TMBIM4: variants seen among roughly 807,000 people sequenced by gnomAD.
TMBIM4 encodes transmembrane BAX inhibitor motif containing 4, also known as protein lifeguard 4.
A neutral mutation model predicts 27.7 loss-of-function variants in TMBIM4; 28 were observed. The observed-to-expected ratio is 1.01, with a 90% CI of 0.75 to 1.38. The LOEUF (loss-of-function observed/expected upper bound fraction) is 1.38. TMBIM4 is among the 40% of genes most tolerant of loss of function. The probability of loss-of-function intolerance (pLI) is 0.00; values close to 1 mark genes in which losing one functional copy is unlikely to be tolerated. For missense variants in TMBIM4, 265 were observed against 277.5 expected, an observed-to-expected ratio of 0.95 and a Z score of 0.32; for synonymous variants, 115 against 113.1, an observed-to-expected ratio of 1.02 and a Z score of -0.11.
chr12:66,140,176 G>A (rs981079117), intron 5 of TMBIM4, among the ~76,000 whole-genome samples: 1 of 151,996 alleles, frequency 6.6e-6, no homozygotes, highest in African/African-American at 2.4e-5. Context: ...ACAATCAATA[G>A]AAACAAATCC....
intron 1 of TMBIM4, among the ~76,000 whole-genome samples, chr12:66,164,129 T>C (rs962410254): frequency 2.6e-5 from 4 of 152,132 alleles, no homozygotes; most frequent in Non-Finnish European, 5.9e-5. Context: ...TCCACAACCT[T>C]CATGATAAAA....
chr12:66,142,845 T>C (rs760111231), intron 5 of TMBIM4, among the ~76,000 whole-genome samples: 5 of 152,164 alleles, frequency 3.3e-5, no homozygotes, highest in African/African-American at 4.8e-5. Context: ...CAGAGGTCAC[T>C]GGACATTAAT....
At chr12:66,162,164 T>C (rs1257361755) in intron 1 of TMBIM4, among the ~76,000 whole-genome samples, 1 of 151,968 alleles carries the variant, frequency 6.6e-6, no homozygotes, top group Non-Finnish European at 1.5e-5. Flanking sequence ...GTCTCCCCCA[T>C]CTCCACCCCA....
chr12:66,155,875 G>A (rs1186356913), intron 1 of TMBIM4, among the ~76,000 whole-genome samples: 2 of 152,124 alleles, frequency 1.3e-5, no homozygotes, highest in Non-Finnish European at 2.9e-5. Flanking sequence ...TATACCCTGG[G>A]CAGTAGTACT....
At chr12:66,165,966 G>A (rs2052119552) in intron 1 of TMBIM4, among the ~76,000 whole-genome samples, 2 of 151,978 alleles carry the variant, frequency 1.3e-5, no homozygotes, top group Admixed American at 1.3e-4. Context: ...CCTGTTTTTG[G>A]TGTCACGCCC....
At chr12:66,146,520 T>C (rs2051754619) in intron 4 of TMBIM4, among the ~76,000 whole-genome samples, 2 of 152,190 alleles carry the variant, frequency 1.3e-5, no homozygotes, top group South Asian at 4.1e-4. Context: ...AACCAACCAC[T>C]AACTGCTTTA....
rs183142131 is a variant in TMBIM4 at position 66,140,486 on chromosome 12, A to C, written c.465-1717T>G. 7.9e-5 allele frequency among the ~76,000 whole-genome samples: 12 copies of C among 152,328 alleles called. No individual in the cohort carries two copies. In the East Asian group the frequency reaches 1.2e-3, roughly 15 times the overall value. On this transcript the variant is annotated intron_variant, in intron 5 of 6. Transcript: ENST00000358230. ...AGACAAAGAAAAACAAACAAACAAA[A>C]AAAACAGAACAGTGAATTAGGGGAC...
rs1337880699 is a variant in TMBIM4 at position 66,169,896 on chromosome 12, T to A, written c.56A>T (p.Tyr19Phe). 2 of 1,500,736 alleles carry A rather than the reference T, an allele frequency of 1.3e-6. No homozygotes were observed. Among genetic ancestry groups the A allele is most frequent in the South Asian group, 2.5e-5 (2 of 79,226 alleles). The allele number at this position is 1,500,736 out of a possible 1,614,324, so 93.0% of individuals were successfully genotyped here. A position where few individuals can be genotyped will look rare whatever the true frequency, so the allele number is the denominator to read the frequency against. Residue 19 changes from tyrosine to phenylalanine, a missense_variant, in exon 1 of 7, where the codon TAT (tyrosine) becomes TTT (phenylalanine). Transcript: ENST00000358230. Reference sequence around the variant, plus strand: ...GGTGGCGGAGGCCACGCTGCTGCCATAGTTGAAGTCGTCCTCGATCGAGGA... The same window carrying A: ...GGTGGCGGAGGCCACGCTGCTGCCAAAGTTGAAGTCGTCCTCGATCGAGGA... ...PRSSIEDDFN[Y>F]GSSVASATVH...
At chr12:66,138,878 G>A (rs973282268) in intron 5 of TMBIM4, 109 bp from the exon 6 acceptor site, 3 of 1,321,412 alleles carry the variant, frequency 2.3e-6, no homozygotes, top group Non-Finnish European at 2.0e-6. Flanking sequence ...TTTTGCTGAA[G>A]AATAACTAAA....
chr12:66,165,331 A>C (rs1019234442), intron 1 of TMBIM4, among the ~76,000 whole-genome samples: 2 of 152,206 alleles, frequency 1.3e-5, no homozygotes, highest in African/African-American at 4.8e-5. Context: ...ACAGTAATCA[A>C]AACAGTGTGG....
intron 5 of TMBIM4, among the ~76,000 whole-genome samples, chr12:66,139,475 C>G (rs1263502272): frequency 6.6e-6 from 1 of 152,178 alleles, no homozygotes; most frequent in African/African-American, 2.4e-5. Context: ...CAGCACAGGA[C>G]AGGGATTCCT....
intron 1 of TMBIM4, among the ~76,000 whole-genome samples, chr12:66,167,757 G>A (rs938705937): frequency 4.6e-5 from 7 of 152,150 alleles, no homozygotes; most frequent in Non-Finnish European, 8.8e-5. Context: ...CCACTTCTGG[G>A]TATATATTCA....
At chr12:66,157,208 C>T (rs2051951190) in intron 1 of TMBIM4, among the ~76,000 whole-genome samples, 1 of 152,098 alleles carries the variant, frequency 6.6e-6, no homozygotes, top group Non-Finnish European at 1.5e-5. Context: ...ATTAAGAATG[C>T]ATACTCAGGG....
intron 4 of TMBIM4, among the ~76,000 whole-genome samples, chr12:66,146,183 CATT>C (rs1261219377): frequency 6.6e-6 from 1 of 152,160 alleles, no homozygotes; most frequent in Non-Finnish European, 1.5e-5. Context: ...TCAGAGGTCA[CATT>C]ATTACCAAGT....
At position 66,137,441 on chromosome 12, in the gene TMBIM4, G is replaced by A. The variant is rs1482319048; in HGVS notation, c.*519C>T. ...AGACTGAGTCTCGCTCTGTCACCAG[G>A]CTGGAATGCAGTGGCGTGATCTTGG... On this transcript the variant is annotated 3_prime_UTR_variant, in exon 7 of 7. Transcript: ENST00000358230. The A allele has an allele frequency of 6.6e-6, 1 of 152,064 alleles. No homozygotes were observed. Among genetic ancestry groups the A allele is most frequent in the Non-Finnish European group, 1.5e-5 (1 of 68,194 alleles). 9.4% of individuals were successfully genotyped at this position (152,064 alleles called of 1,614,324 possible).
At chr12:66,163,623 C>T (rs1010173272) in intron 1 of TMBIM4, among the ~76,000 whole-genome samples, 2 of 152,154 alleles carry the variant, frequency 1.3e-5, no homozygotes, top group African/African-American at 4.8e-5. Flanking sequence ...ATTAAATTAC[C>T]TCCCACCTGG....
intron 3 of TMBIM4, among the ~76,000 whole-genome samples, chr12:66,151,333 G>A (rs912490874): frequency 1.1e-4 from 17 of 152,144 alleles, no homozygotes; most frequent in South Asian, 4.1e-4. Flanking sequence ...CCGCAACCCC[G>A]TTACAGTGAT....
At position 66,135,958 on chromosome 12, in the gene TMBIM4, A is replaced by G. The variant is rs1397050644; in HGVS notation, c.*2002T>C. On this transcript the variant is annotated 3_prime_UTR_variant, in exon 7 of 7. Coordinates refer to ENST00000358230, the MANE Select transcript of TMBIM4 (RefSeq NM_016056.4). ...GCAGGGTCCTCTGCCTAGGAAAACC[A>G]GAGACCTTTGTTCACTTGTTTATCT... is the stretch of plus-strand genomic sequence containing the variant. 16 of 72,510 alleles carry G rather than the reference A, an allele frequency of 2.2e-4. 1 individual carries two copies. Among genetic ancestry groups the G allele is most frequent in the Admixed American group, 1.8e-3 (16 of 8,952 alleles). 4.5% of individuals were successfully genotyped at this position (72,510 alleles called of 1,614,324 possible).
At chr12:66,168,600 A>C in intron 1 of TMBIM4, 1 of 152,326 alleles carries the variant, frequency 6.6e-6, no homozygotes, top group Non-Finnish European at 1.5e-5. Context: ...AAAGATGGCC[A>C]CGTGTTCAAA....
Sources: allele counts gnomAD v4.1 joint callset (sites outside exome capture counted in the v4.1 genomes callset), GRCh38; gene constraint gnomAD v4.1.1; transcripts MANE v1.5; gene names NCBI Gene and HGNC (gene_info 2026-07-23, HGNC 2026-07-21).